The following LDLRAD4 variants were observed in gnomAD, a reference collection of about 807,000 sequenced individuals.
LDLRAD4 encodes low-density lipoprotein receptor class A domain-containing protein 4.
A neutral mutation model predicts 17.0 loss-of-function variants in LDLRAD4; 5 were observed. The ratio of observed to expected loss-of-function variants is 0.29; its 90% CI spans 0.15 to 0.62. The LOEUF (loss-of-function observed/expected upper bound fraction) is 0.62. Among genes scored for constraint, LDLRAD4 ranks in the 20% least tolerant of loss-of-function variants. The pLI, the probability that LDLRAD4 is intolerant of heterozygous loss-of-function variation, is 0.84. For synonymous variants in LDLRAD4, 168 were observed against 171.8 expected (o/e 0.98, Z 0.17); for missense variants, 340 against 424.7 (o/e 0.80, Z 1.75).
chr18:13,254,954 A>C (rs1376148603), intron 1 of LDLRAD4, among the ~76,000 whole-genome samples: 2 of 152,194 alleles, frequency 1.3e-5, no homozygotes, highest in Non-Finnish European at 2.9e-5. Context: ...ACAGAACGGG[A>C]CCCTGTCTCA....
At chr18:13,345,405 A>G (rs2082621931) in intron 1 of LDLRAD4, among the ~76,000 whole-genome samples, 1 of 152,180 alleles carries the variant, frequency 6.6e-6, no homozygotes, top group Admixed American at 6.5e-5. Context: ...TGTATGTTGA[A>G]CCAGCCTTGC....
At chr18:13,391,676 T>A (rs2086283395) in intron 2 of LDLRAD4, among the ~76,000 whole-genome samples, 1 of 93,500 alleles carries the variant, frequency 1.1e-5, no homozygotes, top group Non-Finnish European at 2.7e-5. Flanking sequence ...AGCGCAAGAG[T>A]CAAAAGAAAA....
intron 4 of LDLRAD4, among the ~76,000 whole-genome samples, chr18:13,628,830 G>C (rs1390940704): frequency 2.6e-5 from 4 of 152,120 alleles, no homozygotes; most frequent in African/African-American, 7.2e-5. Context: ...TTACCTTCAG[G>C]TTTTGGGGTT....
intron 3 of LDLRAD4, among the ~76,000 whole-genome samples, chr18:13,620,287 A>T (rs1220255115): frequency 6.6e-6 from 1 of 151,610 alleles, no homozygotes. Flanking sequence ...CTCTCTTCTT[A>T]CTCCTGCCTC....
At position 13,231,833 on chromosome 18, in the gene LDLRAD4, C is replaced by G. The variant is rs562388751; in HGVS notation, c.-467+12845C>G. Among the ~76,000 whole-genome samples, 4 of 152,266 alleles carry G rather than the reference C, an allele frequency of 2.6e-5. No homozygotes were observed. In the South Asian group the frequency reaches 8.3e-4, roughly 32 times the overall value. On this transcript the variant is annotated intron_variant, in intron 1 of 5. Coordinates refer to the LDLRAD4 transcript ENST00000399848. The stretch of plus-strand genomic sequence containing the variant: ...AATTAATGGATTTGTTTCTTCTTCT[C>G]TAATGTGGCTATTAGCTGAATGAGG...
At chr18:13,454,034 C>A (rs1263104459) in intron 3 of LDLRAD4, among the ~76,000 whole-genome samples, 1 of 152,276 alleles carries the variant, frequency 6.6e-6, no homozygotes, top group Non-Finnish European at 1.5e-5. Context: ...CCGTGCACAC[C>A]CAGCTTCTCA....
At chr18:13,496,018 C>A (rs1199287943) in intron 3 of LDLRAD4, among the ~76,000 whole-genome samples, 1 of 152,166 alleles carries the variant, frequency 6.6e-6, no homozygotes, top group Admixed American at 6.5e-5. Flanking sequence ...GGCGCTCCCA[C>A]CACCCGCCTG....
chr18:13,352,640 C>T (rs753814179), intron 1 of LDLRAD4, among the ~76,000 whole-genome samples: 1 of 152,106 alleles, frequency 6.6e-6, no homozygotes, highest in Non-Finnish European at 1.5e-5. Context: ...AAAGTTGAGA[C>T]ATTTTCTGCT....
chr18:13,571,310 GCA>G (rs2094687305), intron 3 of LDLRAD4, among the ~76,000 whole-genome samples: 1 of 152,224 alleles, frequency 6.6e-6, no homozygotes, highest in African/African-American at 2.4e-5. Context: ...ACTAAGTTCA[GCA>G]CAGCTGCCAA....
At chr18:13,477,919 G>T (rs140524628) in intron 3 of LDLRAD4, among the ~76,000 whole-genome samples, 322 of 152,278 alleles carry the variant, frequency 2.1e-3, no homozygotes, top group African/African-American at 7.5e-3. Flanking sequence ...GCTTTTCCGT[G>T]GTCCCGGGCT....
intron 2 of LDLRAD4, among the ~76,000 whole-genome samples, chr18:13,399,008 G>A (rs1394905700): frequency 2.0e-5 from 3 of 152,136 alleles, no homozygotes; most frequent in East Asian, 3.9e-4. Flanking sequence ...GGCGGCCGAG[G>A]TAGGAGGATT....
intron 3 of LDLRAD4, among the ~76,000 whole-genome samples, chr18:13,507,102 T>A (rs538624053): frequency 4.7e-4 from 71 of 152,350 alleles, no homozygotes; most frequent in Non-Finnish European, 8.4e-4. Context: ...TATTTTCAAC[T>A]TCTTATTATA....
intron 3 of LDLRAD4, among the ~76,000 whole-genome samples, chr18:13,548,351 G>A (rs1241868141): frequency 1.3e-5 from 2 of 152,206 alleles, no homozygotes; most frequent in East Asian, 3.9e-4. Flanking sequence ...TGCTGTTCAT[G>A]GCATTCATGG....
At chr18:13,245,526 T>C (rs887524330) in intron 1 of LDLRAD4, among the ~76,000 whole-genome samples, 1 of 152,236 alleles carries the variant, frequency 6.6e-6, no homozygotes, top group African/African-American at 2.4e-5. Flanking sequence ...TTAAGTGCTG[T>C]GCCCAGGTCA....
intron 3 of LDLRAD4, among the ~76,000 whole-genome samples, chr18:13,549,336 A>G (rs774100600): frequency 1.2e-4 from 18 of 152,086 alleles, no homozygotes; most frequent in Admixed American, 2.6e-4. Flanking sequence ...AGCTGTCTTC[A>G]TTTCTCAGAA....
intron 1 of LDLRAD4, among the ~76,000 whole-genome samples, chr18:13,378,313 G>T (rs1303700519): frequency 6.6e-6 from 1 of 152,196 alleles, no homozygotes; most frequent in Middle Eastern, 3.2e-3. Flanking sequence ...AGGTTCACAG[G>T]CTGCCTCGCC....
At chr18:13,463,294 C>G (rs924875784) in intron 3 of LDLRAD4, among the ~76,000 whole-genome samples, 1 of 152,172 alleles carries the variant, frequency 6.6e-6, no homozygotes, top group African/African-American at 2.4e-5. Context: ...CTTCCTGTAC[C>G]TCTTTTGGAG....
chr18:13,612,734 A>T (rs2039712673), intron 3 of LDLRAD4: 11 of 1,613,842 alleles, frequency 6.8e-6, no homozygotes, highest in Admixed American at 5.0e-5. Context: ...ACAACAGCAC[A>T]CTGAAGGAGG....
chr18:13,237,689 C>T (rs1459758557), intron 1 of LDLRAD4, among the ~76,000 whole-genome samples: 1 of 152,224 alleles, frequency 6.6e-6, no homozygotes, highest in African/African-American at 2.4e-5. Context: ...AGCCCTGCAC[C>T]AGTCACTGTG....
Sources: allele counts gnomAD v4.1 joint callset (sites outside exome capture counted in the v4.1 genomes callset), GRCh38; gene constraint gnomAD v4.1.1; transcripts MANE v1.5; gene names NCBI Gene and HGNC (gene_info 2026-07-23, HGNC 2026-07-21).